MTOR: variants seen among roughly 807,000 people sequenced by gnomAD.
MTOR encodes mechanistic target of rapamycin kinase.
MTOR carries 70 observed loss-of-function variants against 319.8 expected under a neutral mutation model. That is an observed-to-expected ratio of 0.22 (90% CI 0.18 to 0.27). MTOR has a LOEUF of 0.27. Ranked by LOEUF, MTOR falls within the 10% of genes least tolerant of loss-of-function variation. The pLI is 1.00. For synonymous variants in MTOR, 1,183 were observed against 1,211.4 expected, an observed-to-expected ratio of 0.98 and a Z score of 0.49; for missense variants, 1,890 against 3,274.4, an observed-to-expected ratio of 0.58 and a Z score of 10.32.
chr1:11,129,716 G>A lies in MTOR; in HGVS notation c.5714+22C>T, dbSNP rs1643020982. The A allele has an allele frequency of 6.2e-7, 1 of 1,601,162 alleles. No homozygotes were observed. The highest frequency in any genetic ancestry group is 1.7e-5 in the Admixed American group (1 of 59,818). On this transcript the variant is annotated intron_variant, in intron 40 of 57. Coordinates refer to ENST00000361445, the MANE Select transcript of MTOR (RefSeq NM_004958.4). This position sits in a 1 kb window ranked among gnomAD's most constrained non-coding sequence, Gnocchi z 4.7. ...GCCATTAACATGGCCTACCAGAGTT[G>A]CATCCTTCCCTTCTCTGATACCTGA... is the stretch of plus-strand genomic sequence containing the variant.
intron 25 of MTOR, among the ~76,000 whole-genome samples, chr1:11,206,731 T>C (rs1646149702): frequency 6.6e-6 from 1 of 152,224 alleles, no homozygotes; most frequent in Non-Finnish European, 1.5e-5. Context: ...CTATAACAAC[T>C]GTGTAAACAC....
intron 16 of MTOR, among the ~76,000 whole-genome samples, 182 bp downstream of exon 16, chr1:11,232,254 A>C (rs74052910): frequency 6.0e-4 from 92 of 152,360 alleles, no homozygotes; most frequent in African/African-American, 2.1e-3. Context: ...GGGTCAGGAC[A>C]ACAGGTAATT....
intron 29 of MTOR, 123 bp from the exon 30 acceptor site, chr1:11,157,414 G>A (rs56166755): frequency 2.8e-5 from 34 of 1,224,118 alleles, no homozygotes; most frequent in Non-Finnish European, 3.5e-5. Flanking sequence ...TCACAGTTAC[G>A]TCTGGGCTTG....
At position 11,243,072 on chromosome 1, in the gene MTOR, A is replaced by G. The variant is rs780621875; in HGVS notation, c.1412+42T>C. 5 of 1,604,524 alleles carry G rather than the reference A, an allele frequency of 3.1e-6. No individual in the cohort carries two copies. In the African/African-American group the frequency reaches 4.0e-5, roughly 13 times the overall value. ...TGAAATAGAGCGTCCTTCCTCTCCA[A>G]CCAAATGGAGTGGAAGGTGAAATCA... On this transcript the variant is annotated intron_variant, in intron 9 of 57. Transcript: ENST00000361445.
intron 31 of MTOR, 147 bp from the exon 32 acceptor site, chr1:11,146,938 C>A: frequency 1.6e-6 from 1 of 622,770 alleles, no homozygotes; most frequent in Non-Finnish European, 2.9e-6. Flanking sequence ...GTACCAAAAT[C>A]CTGCAGAGCC....
rs1255586258 is a variant in MTOR, at chr1:11,128,295, C to T, written c.5910+159G>A. Among the ~76,000 whole-genome samples, 2 of 152,192 alleles carry T rather than the reference C, an allele frequency of 1.3e-5. No homozygotes were observed. The highest frequency in any genetic ancestry group is 2.4e-5 in the African/African-American group (1 of 41,452). On this transcript the variant is annotated intron_variant, in intron 42 of 57. Transcript: ENST00000361445. The surrounding 1 kb of genome is among the most constrained non-coding windows in gnomAD (Gnocchi z 5.3). ...AGGGAACGCTTTCTTTTTAGCAAGGCTCCCGGGCCCTCTGGGACGGCTGGC... is the reference window on the plus strand; with the variant it reads ...AGGGAACGCTTTCTTTTTAGCAAGGTTCCCGGGCCCTCTGGGACGGCTGGC...
At chr1:11,145,281 T>C in intron 32 of MTOR, 1 of 530,878 alleles carries the variant, frequency 1.9e-6, no homozygotes, top group Non-Finnish European at 3.3e-6. Context: ...CTATCTAAGG[T>C]AACACACAAA....
intron 8 of MTOR, among the ~76,000 whole-genome samples, chr1:11,244,216 C>T (rs185211095): frequency 4.9e-5 from 7 of 143,862 alleles, no homozygotes; most frequent in South Asian, 2.4e-4. Context: ...CGCTTGAACC[C>T]GGGAGGCGGA....
intron 49 of MTOR, among the ~76,000 whole-genome samples, chr1:11,120,921 C>T (rs989119079): frequency 6.6e-6 from 1 of 152,000 alleles, no homozygotes; most frequent in African/African-American, 2.4e-5. Flanking sequence ...CAAACCAAAC[C>T]AAACAAAAAC....
At chr1:11,243,371 C>T (rs2100923281) in intron 8 of MTOR, 71 bp from the exon 9 acceptor site, 1 of 1,396,084 alleles carries the variant, frequency 7.2e-7, no homozygotes, top group South Asian at 1.3e-5. Context: ...AGTCAAAGGT[C>T]CTATAAAGCA....
intron 49 of MTOR, among the ~76,000 whole-genome samples, 167 bp from the exon 50 acceptor site, chr1:11,117,253 C>G (rs929325858): frequency 6.6e-6 from 1 of 152,180 alleles, no homozygotes; most frequent in Non-Finnish European, 1.5e-5. Flanking sequence ...CTCCACCTCC[C>G]GGGTTCAAGC....
At chr1:11,253,797 G>T (rs1217650848) in intron 6 of MTOR, 42 bp downstream of exon 6, 1 of 1,612,992 alleles carries the variant, frequency 6.2e-7, no homozygotes, top group Admixed American at 1.7e-5. Context: ...TCACAGAATG[G>T]TACACGGGGA....
chr1:11,150,170 T>C lies in MTOR; in HGVS notation c.4526A>G (p.Gln1509Arg). 6.2e-7 allele frequency: 1 copy of C among 1,614,094 alleles called. No individual in the cohort carries two copies. Among genetic ancestry groups the C allele is most frequent in the African/African-American group, 1.3e-5 (1 of 75,006 alleles). The change falls in exon 31 of 58, where the codon CAA (glutamine) becomes CGA (arginine). Residue 1509 changes from glutamine to arginine, a missense_variant. This residue lies in a region of MTOR where 276 missense variants were observed against 459.4 expected (regional missense o/e 0.60). Transcript: ENST00000361445. ...AGCAGCCATCCGGGCCATCTTGGCT[T>C]GGGTCTCATCATTAACCAGGGTCCA... ...EKWTLVNDET[Q>R]AKMARMAAAA...
intron 21 of MTOR, 31 bp downstream of exon 21, chr1:11,213,368 A>G (rs753509711): frequency 2.5e-6 from 4 of 1,593,196 alleles, no homozygotes; most frequent in Admixed American, 3.5e-5. Context: ...AAATCAGAAA[A>G]TCTCTCTGGA....
intron 34 of MTOR, among the ~76,000 whole-genome samples, chr1:11,142,753 T>C (rs1163176476): frequency 6.6e-6 from 1 of 152,198 alleles, no homozygotes; most frequent in African/African-American, 2.4e-5. Flanking sequence ...GGCTTTTAGC[T>C]ATGATAAGAT....
At position 11,247,691 on chromosome 1, in the gene MTOR, G is replaced by A. The variant is rs1248583791; in HGVS notation, c.1159C>T (p.Leu387=). Residue 387 remains leucine, a synonymous_variant, in exon 8 of 58, where the codon CTG becomes TTG. Transcript: ENST00000361445. ...VLKCRNSKNS[L]IQMTILNLLP... Reference sequence around the variant, plus strand: ...AAATTAAGGATTGTCATTTGGATCAGCGAGTTCTTGCTATTCCTGCATTTC... The same window carrying A: ...AAATTAAGGATTGTCATTTGGATCAACGAGTTCTTGCTATTCCTGCATTTC... The A allele has an allele frequency of 6.2e-7, 1 of 1,614,186 alleles. No homozygotes were observed. Among genetic ancestry groups the A allele is most frequent in the Non-Finnish European group, 8.5e-7 (1 of 1,180,050 alleles).
chr1:11,198,731 A>G (rs1645866601), intron 28 of MTOR, among the ~76,000 whole-genome samples: 1 of 152,194 alleles, frequency 6.6e-6, no homozygotes, highest in Non-Finnish European at 1.5e-5. Flanking sequence ...AAGACTGAAA[A>G]CTGTCTTAAC....
chr1:11,229,066 G>A (rs1020645941), intron 18 of MTOR, 148 bp from the exon 19 acceptor site: 85 of 1,062,104 alleles, frequency 8.0e-5, no homozygotes, highest in Non-Finnish European at 1.1e-4. Flanking sequence ...GGAGTTCAAG[G>A]TCTATTAGGA....
intron 47 of MTOR, among the ~76,000 whole-genome samples, chr1:11,122,592 C>CT (rs1410788679): frequency 6.7e-6 from 1 of 149,242 alleles, no homozygotes; most frequent in Non-Finnish European, 1.5e-5. Flanking sequence ...ACTGCAACCT[C>CT]TGCCTCCTGG....
Sources: allele counts gnomAD v4.1 joint callset (sites outside exome capture counted in the v4.1 genomes callset), GRCh38; gene constraint gnomAD v4.1.1; regional missense constraint gnomAD v4.1.1; non-coding constraint Gnocchi (gnomAD v3.1); transcripts MANE v1.5; gene names NCBI Gene and HGNC (gene_info 2026-07-23, HGNC 2026-07-21).